Variants in ADGRB3 observed in about 807,000 individuals in gnomAD.
ADGRB3 encodes adhesion G protein-coupled receptor B3, also known as brain-specific angiogenesis inhibitor 3.
ADGRB3 carries 37 observed loss-of-function variants against 193.4 expected under a neutral mutation model. That is an observed-to-expected ratio of 0.19 (90% confidence interval 0.15 to 0.25). The LOEUF (loss-of-function observed/expected upper bound fraction) is 0.25. Among genes scored for constraint, ADGRB3 ranks in the 10% least tolerant of loss-of-function variants. The pLI is 1.00. For synonymous variants in ADGRB3, 690 were observed against 644.2 expected, an observed-to-expected ratio of 1.07 and a Z score of -1.08; for missense variants, 1,637 against 1,852.9, an observed-to-expected ratio of 0.88 and a Z score of 2.14.
intron 16 of ADGRB3, among the ~76,000 whole-genome samples, chr6:69,075,054 G>A (rs1341759211): frequency 6.6e-6 from 1 of 152,174 alleles, no homozygotes; most frequent in Non-Finnish European, 1.5e-5. Flanking sequence ...CTCAGGAAGA[G>A]TCTACCCAAA....
At chr6:68,743,381 G>T (rs1766019840) in intron 3 of ADGRB3, among the ~76,000 whole-genome samples, 1 of 150,000 alleles carries the variant, frequency 6.7e-6, no homozygotes, top group Non-Finnish European at 1.5e-5. Flanking sequence ...AGAAATTCTT[G>T]TTAGTGGTAG....
chr6:69,121,151 C>T (rs563337114), intron 17 of ADGRB3, among the ~76,000 whole-genome samples: 81 of 152,058 alleles, frequency 5.3e-4, no homozygotes, highest in African/African-American at 1.7e-3. Context: ...GAGGTCCCTG[C>T]GGCCTTCAGC....
intron 3 of ADGRB3, among the ~76,000 whole-genome samples, chr6:68,871,884 T>C (rs1248918040): frequency 2.0e-5 from 3 of 152,168 alleles, no homozygotes; most frequent in Non-Finnish European, 4.4e-5. Context: ...AGAACATTTT[T>C]GTGGAATGAA....
chr6:68,772,895 ATATATATATATATATATAT>A (rs1218897559), intron 3 of ADGRB3, among the ~76,000 whole-genome samples: 1,838 of 33,344 alleles, frequency 0.055, 122 homozygotes, highest in African/African-American at 0.17. Context: ...AAAAAAAAAA[ATATATATATATATATATAT>A]ATATATATAT....
chr6:69,140,549 A>G (rs1455253183), intron 17 of ADGRB3, among the ~76,000 whole-genome samples: 2 of 152,184 alleles, frequency 1.3e-5, no homozygotes, highest in African/African-American at 4.8e-5. Context: ...GGGTATAAAA[A>G]TATAATTGGA....
chr6:68,728,530 A>ATTT (rs1172622525), intron 3 of ADGRB3, among the ~76,000 whole-genome samples: 1 of 151,526 alleles, frequency 6.6e-6, no homozygotes, highest in Admixed American at 6.6e-5. Flanking sequence ...ACATATAAAC[A>ATTT]TTTTTCTGGC....
intron 3 of ADGRB3, among the ~76,000 whole-genome samples, chr6:68,712,848 A>G (rs1240984357): frequency 6.6e-6 from 1 of 151,968 alleles, no homozygotes; most frequent in Admixed American, 6.6e-5. Flanking sequence ...TTCAGAGTTC[A>G]AAGTTTTGCT....
chr6:69,322,357 C>T (rs9454728), intron 20 of ADGRB3, among the ~76,000 whole-genome samples: 37,348 of 151,556 alleles, frequency 0.25, 5,773 homozygotes, highest in African/African-American at 0.43. Context: ...ATATTCTGTT[C>T]GGTATATACC....
chr6:69,344,210 G>T (rs1769037228), intron 26 of ADGRB3, among the ~76,000 whole-genome samples: 2 of 152,156 alleles, frequency 1.3e-5, no homozygotes, highest in South Asian at 4.1e-4. Flanking sequence ...ATCAGTGTGT[G>T]AGAATCCTGT....
intron 8 of ADGRB3, among the ~76,000 whole-genome samples, chr6:68,963,345 C>T (rs1407970903): frequency 2.0e-5 from 3 of 152,082 alleles, no homozygotes; most frequent in African/African-American, 7.2e-5. Context: ...ATGACAACAC[C>T]TGCCTTCTCT....
rs546072067 is a variant in ADGRB3 at position 69,024,278 on chromosome 6, G to A, written c.2107+5779G>A. ...ATGGAGAGAACGTTTCAAATTGATC[G>A]CTCTACTTAATATCAACTGCTAATA... On this transcript the variant is annotated intron_variant, in intron 13 of 31. Transcript: ENST00000370598. Among the ~76,000 whole-genome samples the A allele has an allele frequency of 7.9e-5, 12 of 152,158 alleles. No homozygotes were observed. The South Asian group carries it at 2.5e-3, about 32-fold the overall frequency.
intron 3 of ADGRB3, among the ~76,000 whole-genome samples, chr6:68,724,055 T>C (rs1765629959): frequency 1.3e-5 from 2 of 151,644 alleles, no homozygotes; most frequent in African/African-American, 4.8e-5. Context: ...AAATAAATTT[T>C]AGCATGACCG....
In ADGRB3 at chr6:69,031,542, T is replaced by TTTCC. The variant is rs1562129393; in HGVS notation, c.2107+13046_2107+13047insCTTC. 1.6e-4 allele frequency among the ~76,000 whole-genome samples: 10 copies of TTTCC among 60,980 alleles called. 2 individuals carry two copies. The highest frequency in any genetic ancestry group is 8.3e-3 in the East Asian group (2 of 242). The allele number at this position is 60,980 out of a possible 152,430, so 40.0% of individuals were successfully genotyped here. The stretch of plus-strand genomic sequence containing the variant: ...GTCTCTTTCTTTCTTTCTTTCTTTC[T>TTTCC]TTCTTTCTTTTTCTTTCTTTCTTTT... On this transcript the variant is annotated intron_variant, in intron 13 of 31. Transcript: ENST00000370598.
At chr6:68,687,319 A>G (rs181907807) in intron 3 of ADGRB3, among the ~76,000 whole-genome samples, 41 of 152,216 alleles carry the variant, frequency 2.7e-4, no homozygotes, top group African/African-American at 9.1e-4. Context: ...ACATGCTCAT[A>G]TTTTATATAC....
At chr6:69,107,185 C>T (rs1482123060) in intron 17 of ADGRB3, among the ~76,000 whole-genome samples, 2 of 148,712 alleles carry the variant, frequency 1.3e-5, no homozygotes, top group African/African-American at 2.4e-5. Flanking sequence ...ACATGGCATG[C>T]GTAAGTGTGA....
intron 20 of ADGRB3, among the ~76,000 whole-genome samples, chr6:69,304,550 T>G (rs968552127): frequency 6.6e-6 from 1 of 151,702 alleles, no homozygotes; most frequent in African/African-American, 2.4e-5. Flanking sequence ...TTAGCTACAT[T>G]AAGCATAAGT....
At chr6:69,059,965 T>C (rs928307955) in intron 15 of ADGRB3, among the ~76,000 whole-genome samples, 2 of 152,032 alleles carry the variant, frequency 1.3e-5, no homozygotes, top group Admixed American at 1.3e-4. Context: ...ATATAAATGA[T>C]AGATAAAAAT....
At chr6:68,790,260 G>T (rs1171323801) in intron 3 of ADGRB3, among the ~76,000 whole-genome samples, 1 of 146,328 alleles carries the variant, frequency 6.8e-6, no homozygotes, top group Non-Finnish European at 1.5e-5. Flanking sequence ...AGGGAGGCTG[G>T]GGGAGGGGTG....
chr6:68,900,527 A>C (rs1766365725), intron 3 of ADGRB3, among the ~76,000 whole-genome samples: 1 of 152,186 alleles, frequency 6.6e-6, no homozygotes, highest in Admixed American at 6.5e-5. Flanking sequence ...CAGCAGAAAA[A>C]GAGCATTTTA....
Sources: gnomAD v4.1 joint callset for allele counts (sites outside exome capture counted in the v4.1 genomes callset) on GRCh38, gnomAD v4.1.1 for gene constraint, MANE v1.5 for transcripts, NCBI Gene and HGNC (gene_info 2026-07-23, HGNC 2026-07-21) for gene names.